The following KMT2A variants were observed in gnomAD, a reference collection of about 807,000 sequenced individuals.
KMT2A encodes the protein histone-lysine N-methyltransferase 2A.
KMT2A carries 16 observed loss-of-function variants against 345.3 expected under a neutral mutation model. The observed-to-expected ratio is 0.05, with a 90% confidence interval of 0.03 to 0.07. KMT2A has a LOEUF of 0.07. Among genes scored for constraint, KMT2A ranks in the 10% least tolerant of loss-of-function variants. The pLI is 1.00. For missense variants in KMT2A, 3,272 were observed against 4,841.6 expected (o/e 0.68, Z 9.62); for synonymous variants, 1,599 against 1,778.6 (o/e 0.90, Z 2.54).
chr11:118,475,197 G>A (rs1950014034), intron 3 of KMT2A, among the ~76,000 whole-genome samples: 2 of 151,688 alleles, frequency 1.3e-5, no homozygotes, highest in African/African-American at 4.8e-5. Flanking sequence ...CCATGGAACA[G>A]GAAAGCTATA....
chr11:118,470,290 T>TTTTG (rs1438848162), intron 2 of KMT2A, among the ~76,000 whole-genome samples: 1 of 152,136 alleles, frequency 6.6e-6, no homozygotes, highest in African/African-American at 2.4e-5. Flanking sequence ...GCAGGAGTTG[T>TTTTG]TTTGTTTGTT....
intron 1 of KMT2A, among the ~76,000 whole-genome samples, chr11:118,454,969 A>G (rs540193148): frequency 6.6e-6 from 1 of 152,218 alleles, no homozygotes; most frequent in Admixed American, 6.5e-5. Context: ...ACCCTAGCGA[A>G]TATAACCCCA....
rs1950982189 is a variant in KMT2A at position 118,522,061 on chromosome 11, G to T, written c.11808G>T (p.Lys3936Asn). The T allele has an allele frequency of 1.2e-6, 2 of 1,614,216 alleles. No individual in the cohort carries two copies. The highest frequency in any genetic ancestry group is 8.5e-7 in the Non-Finnish European group (1 of 1,180,042). The change falls in exon 36 of 36, where the codon AAG (lysine) becomes AAT (asparagine). Residue 3936 changes from lysine to asparagine, a missense_variant. Coordinates refer to ENST00000534358, the MANE Select transcript of KMT2A (RefSeq NM_001197104.2). This position sits in a 1 kb window ranked among gnomAD's most constrained non-coding sequence, Gnocchi z 5.4. Reference protein sequence around the residue: ...QKHIVIFAMRKIYRGEELTYD... With the variant: ...QKHIVIFAMRNIYRGEELTYD... ...ACATTGTCATCTTTGCCATGCGTAA[G>T]ATCTACCGAGGAGAGGAACTCACTT...
At chr11:118,452,474 GT>G (rs1422219105) in intron 1 of KMT2A, among the ~76,000 whole-genome samples, 1 of 152,124 alleles carries the variant, frequency 6.6e-6, no homozygotes, top group Non-Finnish European at 1.5e-5. Context: ...GGAGGCTGCC[GT>G]GAGGTATGAT....
Position 118,489,806 on chromosome 11 carries a change from T to C in KMT2A, c.4494T>C (p.Cys1498=). ...TTTTCTTACAGCAGCTGCTGGAGTG[T>C]AATAAGTGCCGAAACAGCTATCACC... ...QHQATKQLLE[C]NKCRNSYHPE... The change falls in exon 12 of 36, where the codon TGT becomes TGC. Residue 1498 remains cysteine (C), a synonymous_variant. Transcript: ENST00000534358. 1 of 1,614,066 alleles carries C rather than the reference T, an allele frequency of 6.2e-7. No homozygotes were observed. The highest frequency in any genetic ancestry group is 8.5e-7 in the Non-Finnish European group (1 of 1,179,956).
intron 1 of KMT2A, among the ~76,000 whole-genome samples, chr11:118,454,780 T>C (rs1949608448): frequency 1.3e-5 from 2 of 152,210 alleles, no homozygotes; most frequent in South Asian, 4.1e-4. Flanking sequence ...AACACTGAAA[T>C]TTGAATTTCA....
chr11:118,476,545 G>T lies in KMT2A; in HGVS notation c.3157-260G>T, dbSNP rs548049533. ...GGGTTCTCGCTATGTTGCCCATACT[G>T]GTCTTGAACTCCTGGCCTCAAATGA... On this transcript the variant is annotated intron_variant, in intron 3 of 35. Transcript: ENST00000534358. The surrounding 1 kb of genome is among the most constrained non-coding windows in gnomAD (Gnocchi z 4.1). 1.7e-4 allele frequency among the ~76,000 whole-genome samples: 26 copies of T among 152,194 alleles called. No homozygotes were observed. The highest frequency in any genetic ancestry group is 1.6e-3 in the Admixed American group (25 of 15,294).
rs139469741 is a variant in KMT2A, at chr11:118,504,589, A to G, written c.8697A>G (p.Val2899=). 4.7e-5 allele frequency: 76 copies of G among 1,614,096 alleles called. No homozygotes were observed. In the African/African-American group the frequency reaches 9.2e-4, roughly 20 times the overall value. ...AAAAAGACATGGGTCTTTTTGAAGT[A>G]TTTTCTCAGCAGCTGCCTACAACAG... The part of the protein sequence containing the change: ...NREKDMGLFE[V]FSQQLPTTEP... The change falls in exon 27 of 36, where the codon GTA becomes GTG. Residue 2899 remains valine, a synonymous_variant. Transcript: ENST00000534358. The surrounding 1 kb of genome is among the most constrained non-coding windows in gnomAD (Gnocchi z 6.4).
In KMT2A at chr11:118,473,785, A is replaced by G. The variant is rs1949986091; in HGVS notation, c.2626A>G (p.Arg876Gly). 1 of 1,613,914 alleles carries G rather than the reference A, an allele frequency of 6.2e-7. No homozygotes were observed. The highest frequency in any genetic ancestry group is 1.7e-5 in the Admixed American group (1 of 59,984). The change falls in exon 3 of 36, where the codon AGA (arginine) becomes GGA (glycine). Residue 876 changes from arginine (R) to glycine (G), a missense_variant. Around this residue, in one of 27 missense-constraint regions of KMT2A, gnomAD observed 209 missense variants for 237.4 expected, o/e 0.88. Transcript: ENST00000534358. This position sits in a 1 kb window ranked among gnomAD's most constrained non-coding sequence, Gnocchi z 5.2. Reference sequence around the variant, plus strand: ...CGTGGAGAAGGACAAGAGTAGAGAGAGAGACCGGGAGAGAGAAAAGGAGAA... The same window carrying G: ...CGTGGAGAAGGACAAGAGTAGAGAGGGAGACCGGGAGAGAGAAAAGGAGAA... ...KSVEKDKSRE[R>G]DREREKENKR... is the part of the protein sequence containing the mutation.
intron 1 of KMT2A, among the ~76,000 whole-genome samples, chr11:118,456,482 G>GCACCTGC (rs1949645773): frequency 6.6e-6 from 1 of 152,012 alleles, no homozygotes; most frequent in Non-Finnish European, 1.5e-5. Flanking sequence ...GGGATTACAG[G>GCACCTGC]CACCTGCCAC....
chr11:118,523,705 A>G lies in KMT2A; in HGVS notation c.*1533A>G, dbSNP rs1191037976. 8 of 225,834 alleles carry G rather than the reference A, an allele frequency of 3.5e-5. No individual in the cohort carries two copies. Among genetic ancestry groups the G allele is most frequent in the African/African-American group, 1.8e-4 (8 of 44,920 alleles). 14.0% of individuals were successfully genotyped at this position (225,834 alleles called of 1,614,324 possible). Reference sequence around the variant, plus strand: ...TTTAATAATTTTTTATTTTCATAGGATGAAGTTAGAGAAAATATTCAGCTG... The same window carrying G: ...TTTAATAATTTTTTATTTTCATAGGGTGAAGTTAGAGAAAATATTCAGCTG... On this transcript the variant is annotated 3_prime_UTR_variant, in exon 36 of 36. Coordinates refer to ENST00000534358, the MANE Select transcript of KMT2A (RefSeq NM_001197104.2).
In KMT2A at chr11:118,501,146, A is replaced by C; in HGVS notation, c.6318A>C (p.Thr2106=). 6.2e-7 allele frequency: 1 copy of C among 1,612,820 alleles called. No individual in the cohort carries two copies. Among genetic ancestry groups the C allele is most frequent in the Non-Finnish European group, 8.5e-7 (1 of 1,179,160 alleles). ...RTIAHSPTSF[T]ESSSKESQNT... is the part of the protein sequence containing the mutation. ...TTGCCCATAGTCCAACATCTTTTAC[A>C]GGTTAGTCTTGAATCAAGATGGGAC... The change falls in exon 25 of 36, where the codon ACA becomes ACC. Residue 2106 remains threonine (T), a splice_region_variant and synonymous_variant. Transcript: ENST00000534358.
At position 118,436,791 on chromosome 11, in the gene KMT2A, T is replaced by C. The variant is rs1447856328; in HGVS notation, c.279T>C (p.Ser93=). The change falls in exon 1 of 36, where the codon TCT becomes TCC. Residue 93 remains serine (S), a synonymous_variant. Transcript: ENST00000534358. This position sits in a 1 kb window ranked among gnomAD's most constrained non-coding sequence, Gnocchi z 6.9. ...AASSSSASSS[S]SSSSSASSGP... Reference sequence around the variant, plus strand: ...CCTCGTCGTCCGCCTCGTCTTCGTCTTCGTCATCGTCCTCAGCCTCTTCAG... The same window carrying C: ...CCTCGTCGTCCGCCTCGTCTTCGTCCTCGTCATCGTCCTCAGCCTCTTCAG... The C allele has an allele frequency of 6.2e-7, 1 of 1,606,212 alleles. No individual in the cohort carries two copies. The highest frequency in any genetic ancestry group is 8.5e-7 in the Non-Finnish European group (1 of 1,176,710).
chr11:118,443,145 A>G (rs1949347521), intron 1 of KMT2A, among the ~76,000 whole-genome samples: 1 of 152,144 alleles, frequency 6.6e-6, no homozygotes, highest in Admixed American at 6.5e-5. Flanking sequence ...GGCATTTATG[A>G]CAGTGTGGAT....
At chr11:118,458,153 A>G in intron 1 of KMT2A, 1 of 398,970 alleles carries the variant, frequency 2.5e-6, no homozygotes, top group South Asian at 1.7e-5. Flanking sequence ...TCTCGATCAC[A>G]GTTCACTGCA....
intron 1 of KMT2A, among the ~76,000 whole-genome samples, chr11:118,460,990 G>A (rs1555032508): frequency 6.6e-6 from 1 of 152,196 alleles, no homozygotes; most frequent in East Asian, 1.9e-4. Flanking sequence ...AATGTTTTTT[G>A]AGTGAACAAA....
At chr11:118,509,824 G>T in intron 29 of KMT2A, 124 bp from the exon 30 acceptor site, 1 of 676,266 alleles carries the variant, frequency 1.5e-6, no homozygotes, top group Non-Finnish European at 2.3e-6. Context: ...TCTATAAATG[G>T]GAATAATAAA....
rs2134389214 is a variant in KMT2A at position 118,503,041 on chromosome 11, C to G, written c.7149C>G (p.Asp2383Glu). The change falls in exon 27 of 36, where the codon GAC becomes GAG. Residue 2383 changes from aspartate to glutamate, a missense_variant. Physicochemically the swap from Asp to Glu is conservative, Grantham distance 45 (BLOSUM62 2). Coordinates refer to ENST00000534358, the MANE Select transcript of KMT2A (RefSeq NM_001197104.2). This position sits in a 1 kb window ranked among gnomAD's most constrained non-coding sequence, Gnocchi z 5.3. The part of the protein sequence containing the change: ...LHLRGQRNDR[D>E]QHTDSTQSAN... ...TGAGAGGGCAAAGGAATGATCGAGA[C>G]CAACACACAGATTCTACCCAATCAG... 1.2e-6 allele frequency: 2 copies of G among 1,613,298 alleles called. No individual in the cohort carries two copies. Among genetic ancestry groups the G allele is most frequent in the Non-Finnish European group, 1.7e-6 (2 of 1,179,948 alleles).
chr11:118,489,959 CAA>C, intron 12 of KMT2A, 72 bp downstream of exon 12: 1 of 1,472,630 alleles, frequency 6.8e-7, no homozygotes, highest in Non-Finnish European at 9.5e-7. Flanking sequence ...ACTTGTATTA[CAA>C]ATATCTATGC....
Sources: allele counts gnomAD v4.1 joint callset (sites outside exome capture counted in the v4.1 genomes callset), GRCh38; gene constraint gnomAD v4.1.1; regional missense constraint gnomAD v4.1.1; non-coding constraint Gnocchi (gnomAD v3.1); transcripts MANE v1.5; gene names NCBI Gene and HGNC (gene_info 2026-07-23, HGNC 2026-07-21).